The following PPCS variants were observed in gnomAD, a reference collection of about 807,000 sequenced individuals.
The protein encoded by PPCS is phosphopantothenate--cysteine ligase.
A neutral mutation model predicts 24.6 loss-of-function variants in PPCS; 17 were observed. The ratio of observed to expected loss-of-function variants is 0.69; its 90% CI spans 0.47 to 1.04. PPCS has a LOEUF of 1.04. Among genes scored for constraint, PPCS ranks in the 50% least tolerant of loss-of-function variants. The pLI is 0.00. For missense variants in PPCS, 360 were observed against 402.8 expected, an observed-to-expected ratio of 0.89 and a Z score of 0.91; for synonymous variants, 190 against 168.3, an observed-to-expected ratio of 1.13 and a Z score of -1.00.
At chr1:42,464,027 A>C (rs1643489494), downstream of PPCS, 4 of 152,208 alleles carry the variant, frequency 2.6e-5, no homozygotes, top group South Asian at 8.3e-4. Flanking sequence ...ACATTATTGA[A>C]TGTCCATTTG....
At chr1:42,467,275 G>C (rs1643619998) in intron 2 of PPCS, among the ~76,000 whole-genome samples, 1 of 152,222 alleles carries the variant, frequency 6.6e-6, no homozygotes, top group African/African-American at 2.4e-5. Context: ...CTGGAGTTTT[G>C]CTGAGAATGG....
chr1:42,469,267 A>C (rs1643687823), intron 2 of PPCS, among the ~76,000 whole-genome samples: 1 of 152,224 alleles, frequency 6.6e-6, no homozygotes, highest in Non-Finnish European at 1.5e-5. Context: ...CTGTAGTCCT[A>C]GCTCCTCATG....
chr1:42,463,688 G>A (rs541037809), downstream of PPCS: 1 of 152,186 alleles, frequency 6.6e-6, no homozygotes, highest in Non-Finnish European at 1.5e-5. Context: ...TCACTTAAAG[G>A]TGAGGTGTCG....
At chr1:42,470,579 A>G (rs1272659405) in intron 2 of PPCS, among the ~76,000 whole-genome samples, 1 of 152,258 alleles carries the variant, frequency 6.6e-6, no homozygotes, top group Non-Finnish European at 1.5e-5. Flanking sequence ...CAACAGGTGA[A>G]TGTATAAATA....
intron 2 of PPCS, chr1:42,473,041 G>A (rs16829578): frequency 3.3e-6 from 4 of 1,196,444 alleles, no homozygotes; most frequent in African/African-American, 1.6e-5. Context: ...GGAGACTAAG[G>A]TGGCACCCAC....
intron 2 of PPCS, among the ~76,000 whole-genome samples, chr1:42,471,284 T>C (rs1335939355): frequency 1.3e-5 from 2 of 152,102 alleles, no homozygotes; most frequent in Non-Finnish European, 2.9e-5. Flanking sequence ...CCTCCAACCT[T>C]AGACTCCCCT....
In PPCS at chr1:42,470,609, A is replaced by G. The variant is rs115382866; in HGVS notation, n.378-2513A>G. On this transcript the variant is annotated intron_variant and non_coding_transcript_variant, in intron 2 of 2. Transcript: ENST00000471420. Reference sequence around the variant, plus strand: ...TAAATAAAATGTGCTATGTACATACAATGGAATATTATTCAATCTTAAATG... The same window carrying G: ...TAAATAAAATGTGCTATGTACATACGATGGAATATTATTCAATCTTAAATG... Among the ~76,000 whole-genome samples, 644 of 152,366 alleles carry G rather than the reference A, an allele frequency of 4.2e-3. 2 individuals carry two copies. The highest frequency in any genetic ancestry group is 0.015 in the African/African-American group (612 of 41,580).
rs1385440481 is a variant in PPCS, at chr1:42,456,657, G to A, written c.92G>A (p.Gly31Asp). 4 of 1,599,096 alleles carry A rather than the reference G, an allele frequency of 2.5e-6. No homozygotes were observed. Among genetic ancestry groups the A allele is most frequent in the Non-Finnish European group, 3.4e-6 (4 of 1,174,976 alleles). ...EVMARFAARL[G>D]AQGRRVVLVT... is the part of the protein sequence containing the mutation. ...ATGGCTCGCTTCGCGGCCAGGCTGG[G>A]CGCGCAGGGCCGGCGGGTGGTGTTG... Residue 31 changes from glycine to aspartate, a missense_variant, in exon 1 of 3, where the codon GGC (glycine) becomes GAC (aspartate). Gly to Asp is a moderately conservative substitution (Grantham distance 94, BLOSUM62 -1). Transcript: ENST00000372561.
chr1:42,456,498 A>G, upstream of PPCS: 1 of 1,408,192 alleles, frequency 7.1e-7, no homozygotes, highest in Non-Finnish European at 9.3e-7. Context: ...CGCGTACACC[A>G]GGTAGGCGAG....
rs9787162 is a variant in PPCS at position 42,460,017 on chromosome 1, T to G, written c.*91T>G. The G allele has an allele frequency of 0.38, 554,735 of 1,462,504 alleles. 108,108 individuals carry two copies. The highest frequency in any genetic ancestry group is 0.54 in the East Asian group (22,851 of 42,104). 90.6% of individuals were successfully genotyped at this position (1,462,504 alleles called of 1,614,324 possible). A position where few individuals can be genotyped will look rare whatever the true frequency, so the allele number is the denominator to read the frequency against. The stretch of plus-strand genomic sequence containing the variant: ...AAACCATGGCTTTCATATGGACAGA[T>G]AAAATGAAAGAAAGGGAAAAGGCAG... On this transcript the variant is annotated 3_prime_UTR_variant, in exon 3 of 3. Coordinates refer to ENST00000372561, the MANE Select transcript of PPCS (RefSeq NM_024664.4).
chr1:42,471,146 T>G (rs1315948206), intron 2 of PPCS, among the ~76,000 whole-genome samples: 1 of 152,098 alleles, frequency 6.6e-6, no homozygotes, highest in Non-Finnish European at 1.5e-5. Context: ...GGGAGAATGG[T>G]CAAGTGAAGG....
rs1468836811 is a variant in PPCS, at chr1:42,460,281, G to A, written c.*355G>A. 1 of 1,012,126 alleles carries A rather than the reference G, an allele frequency of 9.9e-7. No homozygotes were observed. Among genetic ancestry groups the A allele is most frequent in the Non-Finnish European group, 1.2e-6 (1 of 844,938 alleles). 62.7% of individuals were successfully genotyped at this position (1,012,126 alleles called of 1,614,324 possible). A position where few individuals can be genotyped will look rare whatever the true frequency, so the allele number is the denominator to read the frequency against. On this transcript the variant is annotated 3_prime_UTR_variant, in exon 3 of 3. Transcript: ENST00000372561. ...TTTGGAGATCAAATATTGGTTGAATGCCTATGTATGTCAGGCCCTGTGCTG... is the reference window on the plus strand; with the variant it reads ...TTTGGAGATCAAATATTGGTTGAATACCTATGTATGTCAGGCCCTGTGCTG...
chr1:42,456,574 A>G lies in PPCS; in HGVS notation c.9A>G (p.Glu3=). 1 of 1,483,984 alleles carries G rather than the reference A, an allele frequency of 6.7e-7. No homozygotes were observed. 91.9% of individuals were successfully genotyped at this position (1,483,984 alleles called of 1,614,324 possible). Reference sequence around the variant, plus strand: ...CGGCCGCTGCGCTGCAGATGGCGGAAATGGATCCGGTAGCCGAGTTCCCCC... The same window carrying G: ...CGGCCGCTGCGCTGCAGATGGCGGAGATGGATCCGGTAGCCGAGTTCCCCC... MA[E]MDPVAEFPQP... Residue 3 remains glutamate, a synonymous_variant, in exon 1 of 3, where the codon GAA becomes GAG. Coordinates refer to ENST00000372561, the MANE Select transcript of PPCS (RefSeq NM_024664.4).
chr1:42,466,194 C>G (rs557236075), downstream of PPCS, among the ~76,000 whole-genome samples: 2 of 152,278 alleles, frequency 1.3e-5, no homozygotes, highest in African/African-American at 2.4e-5. Context: ...TGTGGCTGTG[C>G]TATGTACTTT....
chr1:42,464,369 A>C (rs990640253), downstream of PPCS, among the ~76,000 whole-genome samples: 3 of 152,240 alleles, frequency 2.0e-5, no homozygotes, highest in African/African-American at 4.8e-5. Flanking sequence ...TATCAATGTG[A>C]AAAGGGCATT....
At chr1:42,473,340 T>A in exon 3 of PPCS, 1 of 1,124,114 alleles carries the variant, frequency 8.9e-7, no homozygotes, top group Non-Finnish European at 1.1e-6. Flanking sequence ...AAGACACCTG[T>A]GATTTTGTTC....
intron 2 of PPCS, among the ~76,000 whole-genome samples, chr1:42,471,214 C>G (rs1421058690): frequency 6.6e-6 from 1 of 152,168 alleles, no homozygotes; most frequent in African/African-American, 2.4e-5. Context: ...TCCTACTGAT[C>G]AGCAAGGATC....
In PPCS at chr1:42,460,346, T is replaced by C; in HGVS notation, c.*420T>C. The C allele has an allele frequency of 1.0e-6, 1 of 987,428 alleles. No homozygotes were observed. Among genetic ancestry groups the C allele is most frequent in the South Asian group, 4.7e-5 (1 of 21,444 alleles). The allele number at this position is 987,428 out of a possible 1,614,324, so 61.2% of individuals were successfully genotyped here. A position where few individuals can be genotyped will look rare whatever the true frequency, so the allele number is the denominator to read the frequency against. On this transcript the variant is annotated 3_prime_UTR_variant, in exon 3 of 3. Transcript: ENST00000372561. Reference sequence around the variant, plus strand: ...AAAAGATGAATAAACATATCTTGTTTAGGAAATGGATGTATAAAAAAATCA... The same window carrying C: ...AAAAGATGAATAAACATATCTTGTTCAGGAAATGGATGTATAAAAAAATCA...
chr1:42,462,929 T>G (rs1643448796), downstream of PPCS, among the ~76,000 whole-genome samples: 1 of 152,238 alleles, frequency 6.6e-6, no homozygotes, highest in Non-Finnish European at 1.5e-5. Context: ...AGCTAGCACT[T>G]CCTGCCCCTT....
Sources: allele counts gnomAD v4.1 joint callset (sites outside exome capture counted in the v4.1 genomes callset), GRCh38; gene constraint gnomAD v4.1.1; transcripts MANE v1.5; gene names NCBI Gene and HGNC (gene_info 2026-07-23, HGNC 2026-07-21).